The following TRHDE variants were observed in gnomAD, a reference collection of about 807,000 sequenced individuals.
The protein encoded by TRHDE is thyrotropin releasing hormone degrading enzyme.
TRHDE carries 72 observed loss-of-function variants against 125.7 expected under a neutral mutation model. The observed-to-expected ratio is 0.57, with a 90% CI of 0.47 to 0.70. The LOEUF (loss-of-function observed/expected upper bound fraction) is 0.70. Among genes scored for constraint, TRHDE ranks in the 30% least tolerant of loss-of-function variants. The pLI is 0.00. For missense variants in TRHDE, 1,110 were observed against 1,327.1 expected, an observed-to-expected ratio of 0.84 and a Z score of 2.54; for synonymous variants, 509 against 509.1, an observed-to-expected ratio of 1.00 and a Z score of 0.00.
chr12:72,373,069 G>A lies in TRHDE; in HGVS notation c.1189-4926G>A, dbSNP rs550656015. On this transcript the variant is annotated intron_variant, in intron 2 of 18. Coordinates refer to ENST00000261180, the MANE Select transcript of TRHDE (RefSeq NM_013381.3). ...TTTGTATCCTCTTTTATTTCATTGA[G>A]CAGTGGTTTGTAGTTCTCCTTGAAG... Among the ~76,000 whole-genome samples, 257 of 152,234 alleles carry A rather than the reference G, an allele frequency of 1.7e-3. 1 individual carries two copies. Among genetic ancestry groups the A allele is most frequent in the Non-Finnish European group, 2.9e-3 (196 of 68,020 alleles).
chr12:72,455,893 G>C (rs904337726), intron 3 of TRHDE, among the ~76,000 whole-genome samples: 3 of 151,824 alleles, frequency 2.0e-5, no homozygotes, highest in African/African-American at 4.8e-5. Context: ...AGATACAGAG[G>C]AGTCTACTTT....
At chr12:72,242,235 G>A (rs1054576620) in intron 2 of TRHDE, among the ~76,000 whole-genome samples, 3 of 152,090 alleles carry the variant, frequency 2.0e-5, no homozygotes, top group Non-Finnish European at 2.9e-5. Flanking sequence ...CTTTGAATTT[G>A]GTTATCAAAG....
At chr12:72,565,234 G>T (rs953447035) in intron 9 of TRHDE, among the ~76,000 whole-genome samples, 3 of 152,020 alleles carry the variant, frequency 2.0e-5, no homozygotes, top group Non-Finnish European at 1.5e-5. Flanking sequence ...ACCAACTACC[G>T]ATCTATTCCA....
At chr12:72,243,636 A>G (rs1305086642) in intron 2 of TRHDE, among the ~76,000 whole-genome samples, 2 of 152,200 alleles carry the variant, frequency 1.3e-5, no homozygotes, top group African/African-American at 4.8e-5. Flanking sequence ...TTAGAGTTAC[A>G]TATGTAGCTC....
Position 72,141,004 on chromosome 12 carries a change from A to G in TRHDE, n.279+35252A>G, listed in dbSNP as rs567248054. 3.9e-5 allele frequency among the ~76,000 whole-genome samples: 6 copies of G among 152,288 alleles called. No individual in the cohort carries two copies. The South Asian group carries it at 1.2e-3, about 32-fold the overall frequency. ...AAAGCTTTATTTTTTTTTTCACCAAATAAGATTATAGGATGCCAAGTTAAA... is the reference window on the plus strand; with the variant it reads ...AAAGCTTTATTTTTTTTTTCACCAAGTAAGATTATAGGATGCCAAGTTAAA... On this transcript the variant is annotated intron_variant and non_coding_transcript_variant, in intron 2 of 4. Transcript: ENST00000548156.
chr12:72,649,364 T>C (rs987896135), intron 15 of TRHDE, among the ~76,000 whole-genome samples: 1 of 151,964 alleles, frequency 6.6e-6, no homozygotes, highest in African/African-American at 2.4e-5. Context: ...ATAATGAAAT[T>C]GGACCTTTGT....
chr12:72,666,556 T>C lies in TRHDE; in HGVS notation c.*3361T>C, dbSNP rs181825694. The C allele has an allele frequency of 6.6e-6, 1 of 152,018 alleles. No individual in the cohort carries two copies. Among genetic ancestry groups the C allele is most frequent in the East Asian group, 1.9e-4 (1 of 5,154 alleles). The allele number at this position is 152,018 out of a possible 1,614,324, so 9.4% of individuals were successfully genotyped here. A position where few individuals can be genotyped will look rare whatever the true frequency, so the allele number is the denominator to read the frequency against. On this transcript the variant is annotated 3_prime_UTR_variant, in exon 19 of 19. Transcript: ENST00000261180. ...GAGTGAGATCCTGTCTCTAAAAAAA[T>C]AAAATAAAATCACAATGTTTGTTGT... is the stretch of plus-strand genomic sequence containing the variant.
chr12:72,541,068 G>A (rs1241967422), intron 6 of TRHDE, among the ~76,000 whole-genome samples: 2 of 151,544 alleles, frequency 1.3e-5, no homozygotes, highest in African/African-American at 4.8e-5. Flanking sequence ...GGACTGGACA[G>A]CAGTCCAGTC....
intron 2 of TRHDE, among the ~76,000 whole-genome samples, chr12:72,146,988 C>T (rs894484306): frequency 3.3e-5 from 5 of 152,192 alleles, no homozygotes; most frequent in African/African-American, 1.2e-4. Context: ...CCTGACTCTT[C>T]TCCAACGGCC....
At chr12:72,418,018 T>C (rs1174455075) in intron 3 of TRHDE, among the ~76,000 whole-genome samples, 1 of 152,058 alleles carries the variant, frequency 6.6e-6, no homozygotes, top group East Asian at 1.9e-4. Context: ...AAAAATATTT[T>C]AGGCTTCAGG....
intron 2 of TRHDE, among the ~76,000 whole-genome samples, chr12:72,252,387 C>G (rs1878704901): frequency 6.6e-6 from 1 of 152,084 alleles, no homozygotes; most frequent in African/African-American, 2.4e-5. Context: ...GCAAGGCTAT[C>G]CTTCCTTCAC....
chr12:72,533,395 G>A (rs1466858874), intron 6 of TRHDE, among the ~76,000 whole-genome samples: 1 of 151,946 alleles, frequency 6.6e-6, no homozygotes, highest in Non-Finnish European at 1.5e-5. Flanking sequence ...AGATGTTCTC[G>A]ATTTCCTGAC....
intron 2 of TRHDE, among the ~76,000 whole-genome samples, chr12:72,164,513 C>T (rs1369990397): frequency 6.6e-6 from 1 of 152,132 alleles, no homozygotes; most frequent in Non-Finnish European, 1.5e-5. Context: ...CTGAACAGAA[C>T]TACCTTACTT....
intron 12 of TRHDE, among the ~76,000 whole-genome samples, chr12:72,617,600 C>G (rs1872873612): frequency 6.7e-6 from 1 of 148,700 alleles, no homozygotes; most frequent in Non-Finnish European, 1.5e-5. Context: ...GTTCCCTCTT[C>G]CCTATGTTAA....
At chr12:72,435,615 G>A (rs973591479) in intron 3 of TRHDE, among the ~76,000 whole-genome samples, 7 of 149,506 alleles carry the variant, frequency 4.7e-5, no homozygotes, top group African/African-American at 1.7e-4. Context: ...TACAGTACTT[G>A]AATGAAAATA....
chr12:72,412,964 C>A (rs1046623410), intron 3 of TRHDE, among the ~76,000 whole-genome samples: 1 of 151,788 alleles, frequency 6.6e-6, no homozygotes, highest in Non-Finnish European at 1.5e-5. Context: ...GGGCAGTGAT[C>A]GGGGTGGTGC....
intron 15 of TRHDE, among the ~76,000 whole-genome samples, chr12:72,634,475 A>C (rs1014733078): frequency 6.6e-6 from 1 of 150,714 alleles, no homozygotes; most frequent in African/African-American, 2.4e-5. Flanking sequence ...CTAGTTTCAG[A>C]GGGAAAACAT....
chr12:72,380,778 C>G (rs190985568), intron 3 of TRHDE, among the ~76,000 whole-genome samples: 30 of 125,956 alleles, frequency 2.4e-4, no homozygotes, highest in African/African-American at 8.3e-4. Context: ...TTCCTTCCTT[C>G]CTTCCTTCCT....
intron 3 of TRHDE, among the ~76,000 whole-genome samples, chr12:72,412,704 A>G (rs1237419479): frequency 6.6e-6 from 1 of 152,134 alleles, no homozygotes; most frequent in Non-Finnish European, 1.5e-5. Flanking sequence ...TAATGAACTA[A>G]TAAAGCCAGG....
Sources: gnomAD v4.1 joint callset for allele counts (sites outside exome capture counted in the v4.1 genomes callset) on GRCh38, gnomAD v4.1.1 for gene constraint, MANE v1.5 for transcripts, NCBI Gene and HGNC (gene_info 2026-07-23, HGNC 2026-07-21) for gene names.